The following SLC43A2 variants were observed in gnomAD, a reference collection of about 807,000 sequenced individuals.
SLC43A2 encodes solute carrier family 43 member 2, also known as large neutral amino acids transporter small subunit 4.
Under a neutral mutation model 63.2 loss-of-function variants are expected in SLC43A2, and 38 were observed. That is an observed-to-expected ratio of 0.60 (90% CI 0.46 to 0.79). The LOEUF (loss-of-function observed/expected upper bound fraction) is 0.79. Ranked by LOEUF, SLC43A2 falls within the 30% of genes least tolerant of loss-of-function variation. The pLI, the probability that SLC43A2 is intolerant of heterozygous loss-of-function variation, is 0.00. For synonymous variants in SLC43A2, 322 were observed against 331.0 expected, an observed-to-expected ratio of 0.97 and a Z score of 0.30; for missense variants, 644 against 756.2, an observed-to-expected ratio of 0.85 and a Z score of 1.74.
intron 11 of SLC43A2, among the ~76,000 whole-genome samples, chr17:1,581,949 G>A (rs185789067): frequency 5.6e-4 from 85 of 151,956 alleles, no homozygotes; most frequent in East Asian, 1.9e-4. Context: ...TGGGATTACA[G>A]GCATGTGCCA....
chr17:1,596,318 C>CA (rs201232016), intron 5 of SLC43A2, among the ~76,000 whole-genome samples: 8,290 of 144,472 alleles, frequency 0.057, 669 homozygotes, highest in African/African-American at 0.18. Context: ...GACTCCATCT[C>CA]AAAAAAAAAA....
At position 1,591,304 on chromosome 17, in the gene SLC43A2, A is replaced by G; in HGVS notation, c.896T>C (p.Val299Ala). The stretch of plus-strand genomic sequence containing the variant: ...CGGCTGGCACTTCACCTCCAGGTCG[A>G]CGGTGGACAGGCACAGCTTGTGGCC... The part of the protein sequence containing the change: ...QEGHKLCLST[V>A]DLEVKCQPDA... Residue 299 changes from valine (V) to alanine (A), a missense_variant, in exon 8 of 14, where the codon GTC becomes GCC. Val to Ala is a moderately conservative substitution (Grantham distance 64, BLOSUM62 0). Transcript: ENST00000301335. 3 of 1,607,216 alleles carry G rather than the reference A, an allele frequency of 1.9e-6. No individual in the cohort carries two copies. The South Asian group carries it at 3.3e-5, about 18-fold the overall frequency.
intron 12 of SLC43A2, 120 bp from the exon 13 acceptor site, chr17:1,576,840 A>G (rs965367312): frequency 1.7e-5 from 18 of 1,060,240 alleles, no homozygotes; most frequent in Non-Finnish European, 2.4e-5. Context: ...CAGCCCTCGG[A>G]TTCCTTCCTG....
chr17:1,575,871 A>G (rs2280456), intron 13 of SLC43A2, 106 bp from the exon 14 acceptor site: 1,054,320 of 1,318,918 alleles, frequency 0.8, 424,970 homozygotes, highest in South Asian at 0.83. Context: ...ACGGGGTGGA[A>G]GGGGGAACGA....
chr17:1,588,203 T>C (rs946792653), intron 9 of SLC43A2, among the ~76,000 whole-genome samples: 19 of 150,330 alleles, frequency 1.3e-4, no homozygotes, highest in Non-Finnish European at 1.9e-4. Flanking sequence ...GTTGGAGACA[T>C]GGTGAAACTC....
intron 5 of SLC43A2, among the ~76,000 whole-genome samples, chr17:1,597,957 A>C (rs79232834): frequency 0.021 from 3,244 of 152,326 alleles, 39 homozygotes; most frequent in Middle Eastern, 0.034. Flanking sequence ...AGTTCAAAGG[A>C]CAAGCCTCGG....
chr17:1,580,101 A>AT (rs2075989695), intron 11 of SLC43A2, among the ~76,000 whole-genome samples: 1 of 151,776 alleles, frequency 6.6e-6, no homozygotes, highest in Non-Finnish European at 1.5e-5. Flanking sequence ...TAATTTTTGT[A>AT]TTTTTTGTAG....
chr17:1,583,981 T>C lies in SLC43A2; in HGVS notation c.1218-645A>G, dbSNP rs546576936. 5.9e-5 allele frequency among the ~76,000 whole-genome samples: 9 copies of C among 151,456 alleles called. No homozygotes were observed. Among genetic ancestry groups the C allele is most frequent in the Admixed American group, 3.3e-4 (5 of 15,204 alleles). On this transcript the variant is annotated intron_variant, in intron 10 of 13. Coordinates refer to ENST00000301335, the MANE Select transcript of SLC43A2 (RefSeq NM_152346.3). This position sits in a 1 kb window ranked among gnomAD's most constrained non-coding sequence, Gnocchi z 5.5. Reference sequence around the variant, plus strand: ...TGTGATCTCGGCTCATTGCCACCTCTGCCTCCTGGGTTCAAGCGATTCTCC... The same window carrying C: ...TGTGATCTCGGCTCATTGCCACCTCCGCCTCCTGGGTTCAAGCGATTCTCC...
Position 1,578,333 on chromosome 17 carries a change from GA to G in SLC43A2, c.1351-11del. 1.2e-6 allele frequency: 2 copies of G among 1,613,488 alleles called. No homozygotes were observed. The highest frequency in any genetic ancestry group is 2.2e-5 in the East Asian group (1 of 44,864). ...GGATGAAGGAGAGGATCTGGGGGAG[GA>G]AAAGGCGACTGTGGGCATAAGGCCT... On this transcript the variant is annotated splice_polypyrimidine_tract_variant and intron_variant, in intron 11 of 13. Transcript: ENST00000301335. This position sits in a 1 kb window ranked among gnomAD's most constrained non-coding sequence, Gnocchi z 6.5.
intron 5 of SLC43A2, among the ~76,000 whole-genome samples, chr17:1,600,394 G>T (rs531739398): frequency 6.7e-6 from 1 of 149,162 alleles, no homozygotes; most frequent in Admixed American, 6.8e-5. Flanking sequence ...CAAGTGATCC[G>T]CCCGCCTCAG....
chr17:1,572,436 C>T lies in SLC43A2; in HGVS notation c.*3168G>A, dbSNP rs77592353. 8,157 of 151,860 alleles carry T rather than the reference C, an allele frequency of 0.054. 304 individuals are homozygous for T. Among genetic ancestry groups the T allele is most frequent in the Non-Finnish European group, 0.084 (5,724 of 68,000 alleles). 9.4% of individuals were successfully genotyped at this position (151,860 alleles called of 1,614,324 possible). On this transcript the variant is annotated 3_prime_UTR_variant, in exon 14 of 14. Transcript: ENST00000301335. ...TCTGACCTTGAACAAGCTCCTCCAT[C>T]GCTCCAGGCCTCGTTTTTCAGGTGT... is the stretch of plus-strand genomic sequence containing the variant.
intron 5 of SLC43A2, among the ~76,000 whole-genome samples, chr17:1,607,861 G>T (rs528342349): frequency 6.6e-6 from 1 of 151,906 alleles, no homozygotes; most frequent in Non-Finnish European, 1.5e-5. Context: ...GACTACAGGC[G>T]CCCACCACCA....
chr17:1,592,507 G>A (rs1248291251), intron 6 of SLC43A2, among the ~76,000 whole-genome samples: 1 of 152,210 alleles, frequency 6.6e-6, no homozygotes, highest in African/African-American at 2.4e-5. Flanking sequence ...TCCATAGGAT[G>A]GCTGGCCCCA....
intron 9 of SLC43A2, among the ~76,000 whole-genome samples, chr17:1,588,211 C>T (rs1904392891): frequency 6.6e-6 from 1 of 151,596 alleles, no homozygotes; most frequent in African/African-American, 2.4e-5. Flanking sequence ...CATGGTGAAA[C>T]TCCGTCTCTA....
rs1363920261 is a variant in SLC43A2 at position 1,606,152 on chromosome 17, GC to G, written c.501+7042del. 6.6e-6 allele frequency among the ~76,000 whole-genome samples: 1 copy of G among 151,404 alleles called. No homozygotes were observed. Among genetic ancestry groups the G allele is most frequent in the Non-Finnish European group, 1.5e-5 (1 of 67,970 alleles). On this transcript the variant is annotated intron_variant, in intron 5 of 13. Transcript: ENST00000301335. The surrounding 1 kb of genome is among the most constrained non-coding windows in gnomAD (Gnocchi z 4.7). ...CTAGACCCTCCAGAGCTGGCCGGGG[GC>G]CACCGCGGGACCCTCTCCTGGACCC... is the stretch of plus-strand genomic sequence containing the variant.
intron 9 of SLC43A2, 35 bp from the exon 10 acceptor site, chr17:1,586,086 G>A: frequency 6.5e-7 from 1 of 1,545,332 alleles, no homozygotes; most frequent in Non-Finnish European, 8.7e-7. Flanking sequence ...GGGGACGCCT[G>A]GCAGACAGCC....
chr17:1,628,088 A>G (rs1908857581), intron 1 of SLC43A2, 168 bp from the exon 2 acceptor site: 1 of 611,776 alleles, frequency 1.6e-6, no homozygotes, highest in Non-Finnish European at 2.3e-6. Context: ...GACCTGGGAC[A>G]CCCCGAGCCC....
At chr17:1,610,894 T>C (rs1399990917) in intron 5 of SLC43A2, among the ~76,000 whole-genome samples, 1 of 151,304 alleles carries the variant, frequency 6.6e-6, no homozygotes. Flanking sequence ...AGGCTGGAGT[T>C]CAGTGGCGCG....
Position 1,591,628 on chromosome 17 carries a change from G to A in SLC43A2, c.666C>T (p.Phe222=), listed in dbSNP as rs199536013. 1.9e-6 allele frequency: 3 copies of A among 1,542,514 alleles called. No homozygotes were observed. In the East Asian group the frequency reaches 7.4e-5, roughly 38 times the overall value. The change falls in exon 7 of 14, where the codon TTC becomes TTT. Residue 222 remains phenylalanine (F), a synonymous_variant. Coordinates refer to ENST00000301335, the MANE Select transcript of SLC43A2 (RefSeq NM_152346.3). ...VVWAGCSGLV[F]LNCFFNWPLE... ...GGGGCCAGTTAAAGAAGCAGTTGAG[G>A]AAAACCAGCCCGGAGCAGCCGGCCC...
Sources: gnomAD v4.1 joint callset for allele counts (sites outside exome capture counted in the v4.1 genomes callset) on GRCh38, gnomAD v4.1.1 for gene constraint, Gnocchi (gnomAD v3.1) non-coding constraint, MANE v1.5 for transcripts, NCBI Gene and HGNC (gene_info 2026-07-23, HGNC 2026-07-21) for gene names.